The following RABL6 variants were observed in gnomAD, a reference collection of about 807,000 sequenced individuals.
RABL6 encodes RAB, member RAS oncogene family like 6, also known as rab-like protein 6.
A neutral mutation model predicts 72.9 loss-of-function variants in RABL6; 28 were observed. The observed-to-expected ratio is 0.38, with a 90% CI of 0.28 to 0.53. The LOEUF (loss-of-function observed/expected upper bound fraction) is 0.53, where lower values mean the gene tolerates loss of function less well. Among genes scored for constraint, RABL6 ranks in the 20% least tolerant of loss-of-function variants. RABL6 has a pLI of 0.80. For synonymous variants in RABL6, 477 were observed against 421.2 expected (o/e 1.13, Z -1.62); for missense variants, 1,029 against 1,008.4 (o/e 1.02, Z -0.28).
At position 136,840,221 on chromosome 9, in the gene RABL6, T is replaced by C. The variant is rs1255675492; in HGVS notation, c.1989+9T>C. 4.3e-6 allele frequency: 7 copies of C among 1,612,686 alleles called. No individual in the cohort carries two copies. Among genetic ancestry groups the C allele is most frequent in the Non-Finnish European group, 5.9e-6 (7 of 1,179,822 alleles). ...AGAAAAAAGGCAAAGAGGTACTGGC[T>C]ACTCCCCTTCCTGGCAGGCCAGGAC... is the stretch of plus-strand genomic sequence containing the variant. On this transcript the variant is annotated intron_variant, in intron 14 of 14. Transcript: ENST00000311502.
intron 2 of RABL6, among the ~76,000 whole-genome samples, chr9:136,824,753 G>T (rs2784089): frequency 0.75 from 114,478 of 152,096 alleles, 43,458 homozygotes; most frequent in East Asian, 0.86. Flanking sequence ...TGCTGTGCAG[G>T]AACAGCCGTG....
intron 1 of RABL6, among the ~76,000 whole-genome samples, chr9:136,817,682 C>T (rs918819908): frequency 6.6e-6 from 1 of 152,112 alleles, no homozygotes; most frequent in African/African-American, 2.4e-5. Context: ...GCTTGAGGCT[C>T]ACTGTGCAAA....
rs780220875 is a variant in RABL6 at position 136,839,288 on chromosome 9, G to C, written c.1560G>C (p.Trp520Cys). The C allele has an allele frequency of 1.2e-6, 2 of 1,610,902 alleles. No homozygotes were observed. The highest frequency in any genetic ancestry group is 1.1e-5 in the South Asian group (1 of 90,768). Reference protein sequence around the residue: ...TAPTRTAAPPWPGGVSVRTGP... With the variant: ...TAPTRTAAPPCPGGVSVRTGP... Reference sequence around the variant, plus strand: ...CCACGAGGACCGCAGCACCCCCCTGGCCAGGCGGTGTCTCTGTTCGCACAG... The same window carrying C: ...CCACGAGGACCGCAGCACCCCCCTGCCCAGGCGGTGTCTCTGTTCGCACAG... Residue 520 changes from tryptophan to cysteine, a missense_variant, in exon 12 of 15, where the codon TGG (tryptophan) becomes TGC (cysteine). Physicochemically the swap from Trp to Cys is radical, Grantham distance 215. Around this residue, in one of 2 missense-constraint regions of RABL6, gnomAD observed 595 missense variants for 472.4 expected, o/e 1.26. Transcript: ENST00000311502.
chr9:136,827,451 C>T (rs1848383444), intron 3 of RABL6: 1 of 152,268 alleles, frequency 6.6e-6, no homozygotes, highest in Admixed American at 6.5e-5. Context: ...TCAGCCAGGA[C>T]CCGGCTCCCC....
chr9:136,817,490 A>T lies in RABL6; in HGVS notation c.131-6035A>T, dbSNP rs145624161. On this transcript the variant is annotated intron_variant, in intron 1 of 14. Transcript: ENST00000311502. Reference sequence around the variant, plus strand: ...CCAGCTCGCAGCAAACCTGTGGCTGAGGGGAGGCCGACGTGGGCTGAGGGG... The same window carrying T: ...CCAGCTCGCAGCAAACCTGTGGCTGTGGGGAGGCCGACGTGGGCTGAGGGG... Among the ~76,000 whole-genome samples, 628 of 130,414 alleles carry T rather than the reference A, an allele frequency of 4.8e-3. 21 individuals are homozygous for T. Among genetic ancestry groups the T allele is most frequent in the African/African-American group, 0.017 (608 of 35,016 alleles). 85.6% of individuals were successfully genotyped at this position (130,414 alleles called of 152,430 possible).
intron 5 of RABL6, 138 bp downstream of exon 5, chr9:136,829,622 A>G: frequency 1.3e-6 from 1 of 794,690 alleles, no homozygotes; most frequent in East Asian, 2.7e-5. Flanking sequence ...CAGCTGTGGC[A>G]GCTCAGCCAC....
intron 6 of RABL6, 102 bp downstream of exon 6, chr9:136,831,963 G>T: frequency 6.9e-7 from 1 of 1,439,810 alleles, no homozygotes. Context: ...CGTTAGCATG[G>T]GGCCCGGCGG....
intron 2 of RABL6, among the ~76,000 whole-genome samples, chr9:136,824,154 G>A (rs1405648944): frequency 6.6e-6 from 1 of 152,124 alleles, no homozygotes; most frequent in East Asian, 1.9e-4. Context: ...TCAATTGGGT[G>A]TGGGTGGGCT....
chr9:136,835,898 G>C, intron 8 of RABL6, 53 bp downstream of exon 8: 1 of 1,478,188 alleles, frequency 6.8e-7, no homozygotes, highest in Non-Finnish European at 9.2e-7. Context: ...GGGCGTGGCC[G>C]TGGTGCAGGG....
At chr9:136,823,036 C>G (rs150757357) in intron 1 of RABL6, among the ~76,000 whole-genome samples, 105 of 150,666 alleles carry the variant, frequency 7.0e-4, no homozygotes, top group African/African-American at 2.4e-3. Flanking sequence ...TGCAGTGAGC[C>G]GAGATAGCAC....
intron 1 of RABL6, chr9:136,809,676 C>G (rs567582235): frequency 6.2e-6 from 1 of 160,572 alleles, no homozygotes; most frequent in Non-Finnish European, 1.4e-5. Flanking sequence ...ATTGGCTTTT[C>G]TTATACTCTA....
At position 136,840,526 on chromosome 9, in the gene RABL6, G is replaced by A. The variant is rs567996698; in HGVS notation, c.*4G>A. On this transcript the variant is annotated 3_prime_UTR_variant, in exon 15 of 15. Transcript: ENST00000311502. ...TGGCGACTACGAGGAGCTCTAGGCCGGCGTGGGCAGTGGCCGCCCTGGGGC... is the reference window on the plus strand; with the variant it reads ...TGGCGACTACGAGGAGCTCTAGGCCAGCGTGGGCAGTGGCCGCCCTGGGGC... 1,047 of 1,535,664 alleles carry A rather than the reference G, an allele frequency of 6.8e-4. 12 individuals are homozygous for A. The South Asian group carries it at 0.01, about 15-fold the overall frequency.
chr9:136,838,830 C>T (rs566061162), intron 10 of RABL6, 79 bp from the exon 11 acceptor site: 279 of 1,285,572 alleles, frequency 2.2e-4, no homozygotes, highest in East Asian at 1.2e-3. Context: ...GGTACCAGGG[C>T]GCCTAGAACC....
chr9:136,840,732 A>AG lies in RABL6; in HGVS notation c.*214dup, dbSNP rs917793583. On this transcript the variant is annotated 3_prime_UTR_variant, in exon 15 of 15. Coordinates refer to ENST00000311502, the MANE Select transcript of RABL6 (RefSeq NM_024718.5). The stretch of plus-strand genomic sequence containing the variant: ...GTGTGAGCCTGCTCTGCAAGAAGGG[A>AG]GGGGACAGCTGGCTTCAGCCAGGCT... 48 of 1,548,334 alleles carry AG rather than the reference A, an allele frequency of 3.1e-5. No homozygotes were observed. The Admixed American group carries it at 9.4e-4, about 30-fold the overall frequency.
chr9:136,840,437 C>T lies in RABL6; in HGVS notation c.2105C>T (p.Thr702Met), dbSNP rs768122919. 1.0e-4 allele frequency: 160 copies of T among 1,548,214 alleles called. No homozygotes were observed. Among genetic ancestry groups the T allele is most frequent in the Middle Eastern group, 3.5e-4 (2 of 5,754 alleles). ...QQRPPRSRER[T>M]AADELEAFLG... ...CGGCCCCCGCGCAGCAGGGAGAGGA[C>T]GGCTGCCGATGAGCTGGAGGCTTTC... The change falls in exon 15 of 15, where the codon ACG (threonine) becomes ATG (methionine). Residue 702 changes from threonine to methionine, a missense_variant. Physicochemically the swap from Thr to Met is moderately conservative, Grantham distance 81. Around this residue, in one of 2 missense-constraint regions of RABL6, gnomAD observed 595 missense variants for 472.4 expected, o/e 1.26. Coordinates refer to ENST00000311502, the MANE Select transcript of RABL6 (RefSeq NM_024718.5).
Position 136,810,876 on chromosome 9 carries a change from G to A in RABL6, c.130+2550G>A, listed in dbSNP as rs974947068. The stretch of plus-strand genomic sequence containing the variant: ...TATTTTCTCAAATATTTTACAGAGC[G>A]TAACAGACCAGCAATGTGATCAAGA... On this transcript the variant is annotated intron_variant, in intron 1 of 14. Coordinates refer to ENST00000311502, the MANE Select transcript of RABL6 (RefSeq NM_024718.5). 2.0e-5 allele frequency among the ~76,000 whole-genome samples: 3 copies of A among 152,160 alleles called. 1 individual carries two copies. The highest frequency in any genetic ancestry group is 4.8e-5 in the African/African-American group (2 of 41,424).
Position 136,821,468 on chromosome 9 carries a change from C to T in RABL6, c.131-2057C>T, listed in dbSNP as rs1370226666. On this transcript the variant is annotated intron_variant, in intron 1 of 14. Transcript: ENST00000311502. ...GTGGACCTCGGGGCCGCGGGACGGA[C>T]GTGGATGGCGCCGCCGTTCTCTCGC... The T allele has an allele frequency of 7.1e-6, 7 of 985,288 alleles. No individual in the cohort carries two copies. In the Admixed American group the frequency reaches 2.5e-4, roughly 35 times the overall value. The allele number at this position is 985,288 out of a possible 1,614,324, so 61.0% of individuals were successfully genotyped here.
At position 136,831,805 on chromosome 9, in the gene RABL6, C is replaced by T. The variant is rs748007238; in HGVS notation, c.543C>T (p.Gly181=). 6 of 1,613,258 alleles carry T rather than the reference C, an allele frequency of 3.7e-6. No individual in the cohort carries two copies. Among genetic ancestry groups the T allele is most frequent in the South Asian group, 1.1e-5 (1 of 91,072 alleles). ...TGCTGGGAAACTACCGGGACATGGGCGAGCACCGAGTCATCCTGCCGGACG... is the reference window on the plus strand; with the variant it reads ...TGCTGGGAAACTACCGGGACATGGGTGAGCACCGAGTCATCCTGCCGGACG... The part of the protein sequence containing the change: ...VCVLGNYRDM[G]EHRVILPDDV... Residue 181 remains glycine (G), a synonymous_variant, in exon 6 of 15, where the codon GGC becomes GGT. Coordinates refer to ENST00000311502, the MANE Select transcript of RABL6 (RefSeq NM_024718.5).
At chr9:136,828,811 C>A (rs905968237) in intron 4 of RABL6, among the ~76,000 whole-genome samples, 3 of 152,196 alleles carry the variant, frequency 2.0e-5, no homozygotes, top group Non-Finnish European at 2.9e-5. Context: ...AGTGAACTCG[C>A]CAAACTTTTA....
Sources: allele counts gnomAD v4.1 joint callset (sites outside exome capture counted in the v4.1 genomes callset), GRCh38; gene constraint gnomAD v4.1.1; regional missense constraint gnomAD v4.1.1; transcripts MANE v1.5; gene names NCBI Gene and HGNC (gene_info 2026-07-23, HGNC 2026-07-21).